The following IGF2R variants were observed in gnomAD, a reference collection of about 807,000 sequenced individuals.
IGF2R encodes cation-independent mannose-6-phosphate receptor.
In IGF2R, 91 loss-of-function variants were observed where a neutral mutation model predicts 270.6. The observed-to-expected ratio is 0.34, with a 90% CI of 0.28 to 0.40. IGF2R has a LOEUF of 0.40. Ranked by LOEUF, IGF2R falls within the 10% of genes least tolerant of loss-of-function variation. IGF2R has a pLI of 1.00. For missense variants in IGF2R, 2,805 were observed against 3,188.3 expected (o/e 0.88, Z 2.90); for synonymous variants, 1,316 against 1,258.9 (o/e 1.05, Z -0.96).
chr6:159,976,510 C>G (rs6916216), intron 1 of IGF2R, among the ~76,000 whole-genome samples: 35,690 of 152,004 alleles, frequency 0.23, 4,608 homozygotes, highest in East Asian at 0.49. Context: ...TCAGTAACTT[C>G]TACATCATTT....
chr6:160,046,599 G>C lies in IGF2R; in HGVS notation c.2005G>C (p.Val669Leu), dbSNP rs545812110. 4.3e-6 allele frequency: 7 copies of C among 1,613,846 alleles called. No homozygotes were observed. In the Admixed American group the frequency reaches 1.2e-4, roughly 27 times the overall value. Residue 669 changes from valine to leucine, a missense_variant, in exon 15 of 48, where the codon GTG becomes CTG. Val to Leu is a conservative substitution (Grantham distance 32, BLOSUM62 1). Coordinates refer to ENST00000356956, the MANE Select transcript of IGF2R (RefSeq NM_000876.4). ...TATAAATGTGTGTGGCCCGGTGTCT[G>C]TGAGCCCCTGTCAGCCAGACTCAGG... ...FYINVCGPVS[V>L]SPCQPDSGAC...
At position 159,969,295 on chromosome 6, in the gene IGF2R, C is replaced by G. The variant is rs952359897; in HGVS notation, c.49C>G (p.Arg17Gly). The G allele has an allele frequency of 2.4e-6, 3 of 1,226,268 alleles. No homozygotes were observed. In the African/African-American group the frequency reaches 4.8e-5, roughly 19 times the overall value. 76.0% of individuals were successfully genotyped at this position (1,226,268 alleles called of 1,614,324 possible). A position where few individuals can be genotyped will look rare whatever the true frequency, so the allele number is the denominator to read the frequency against. Residue 17 changes from arginine to glycine, a missense_variant, in exon 1 of 48, where the codon CGC becomes GGC. Arg to Gly is a moderately radical substitution (Grantham distance 125). Coordinates refer to ENST00000356956, the MANE Select transcript of IGF2R (RefSeq NM_000876.4). Reference protein sequence around the residue: ...RSPHLGPAPARRPQRSLLLLQ... With the variant: ...RSPHLGPAPAGRPQRSLLLLQ... ...CCCCCACCTGGGGCCCGCGCCCGCCCGCCGCCCGCAGCGCTCTCTGCTCCT... is the reference window on the plus strand; with the variant it reads ...CCCCCACCTGGGGCCCGCGCCCGCCGGCCGCCCGCAGCGCTCTCTGCTCCT...
Position 160,108,572 on chromosome 6 carries a change from G to C in IGF2R, c.*3488G>C, listed in dbSNP as rs530931360. On this transcript the variant is annotated 3_prime_UTR_variant, in exon 48 of 48. Transcript: ENST00000356956. Reference sequence around the variant, plus strand: ...CTGAGAAGCCTCAGACTGCCTGCGAGGCTCTCTCTGGGAGGAAGTCAGGTC... The same window carrying C: ...CTGAGAAGCCTCAGACTGCCTGCGACGCTCTCTCTGGGAGGAAGTCAGGTC... 6.6e-6 allele frequency: 1 copy of C among 152,242 alleles called. No homozygotes were observed. The highest frequency in any genetic ancestry group is 1.5e-5 in the Non-Finnish European group (1 of 68,054). The allele number at this position is 152,242 out of a possible 1,614,324, so 9.4% of individuals were successfully genotyped here.
chr6:160,078,300 C>G lies in IGF2R; in HGVS notation c.5416C>G (p.Leu1806Val). ...PDEVRMDGCT[L>V]TDEQLLYSFN... ...TGAAGTGAGGATGGATGGCTGTACC[C>G]TGACAGATGAGCAGCTCCTCTACAG... Residue 1806 changes from leucine to valine, a missense_variant, in exon 37 of 48, where the codon CTG (leucine) becomes GTG (valine). Coordinates refer to ENST00000356956, the MANE Select transcript of IGF2R (RefSeq NM_000876.4). The G allele has an allele frequency of 6.2e-7, 1 of 1,614,206 alleles. No homozygotes were observed.
At position 160,067,646 on chromosome 6, in the gene IGF2R, G is replaced by A. The variant is rs796586355; in HGVS notation, c.4116-603G>A. Among the ~76,000 whole-genome samples the A allele has an allele frequency of 3.9e-5, 6 of 152,294 alleles. No individual in the cohort carries two copies. The South Asian group carries it at 6.2e-4, about 16-fold the overall frequency. On this transcript the variant is annotated intron_variant, in intron 29 of 47. Coordinates refer to ENST00000356956, the MANE Select transcript of IGF2R (RefSeq NM_000876.4). ...GGCATCTGTAGCTGCTCCCGTTCCTGCTCCGTGGTGGCAGAGTGTGTGTCT... is the reference window on the plus strand; with the variant it reads ...GGCATCTGTAGCTGCTCCCGTTCCTACTCCGTGGTGGCAGAGTGTGTGTCT...
In IGF2R at chr6:160,072,801, C is replaced by A. The variant is rs775466071; in HGVS notation, c.4607C>A (p.Ala1536Glu). 1 of 1,614,016 alleles carries A rather than the reference C, an allele frequency of 6.2e-7. No individual in the cohort carries two copies. Among genetic ancestry groups the A allele is most frequent in the African/African-American group, 1.3e-5 (1 of 74,920 alleles). The change falls in exon 33 of 48, where the codon GCG becomes GAG. Residue 1536 changes from alanine to glutamate, a missense_variant. By Grantham distance (107) the Ala-to-Glu change is moderately radical. Transcript: ENST00000356956. The stretch of plus-strand genomic sequence containing the variant: ...GATCTGAGCTCCTTAAGTGGCAGGG[C>A]GGGATTCACAGCTGCTTACAGCGAG... ...LFDLSSLSGR[A>E]GFTAAYSEKG...
At chr6:160,012,868 C>T (rs1464108843) in intron 4 of IGF2R, among the ~76,000 whole-genome samples, 1 of 151,252 alleles carries the variant, frequency 6.6e-6, no homozygotes, top group East Asian at 2.0e-4. Flanking sequence ...CTCAGGTGAT[C>T]CGCCTGCCTC....
In IGF2R at chr6:160,010,795, G is replaced by A. The variant is rs757467101; in HGVS notation, c.513+10G>A. The A allele has an allele frequency of 1.3e-6, 2 of 1,489,944 alleles. No individual in the cohort carries two copies. The highest frequency in any genetic ancestry group is 1.9e-6 in the Non-Finnish European group (2 of 1,067,010). The allele number at this position is 1,489,944 out of a possible 1,614,324, so 92.3% of individuals were successfully genotyped here. A position where few individuals can be genotyped will look rare whatever the true frequency, so the allele number is the denominator to read the frequency against. Reference sequence around the variant, plus strand: ...TAAAGCAAATAAGGAGGTAACATGGGAACTTCAAATTACATGCTTATGAAG... The same window carrying A: ...TAAAGCAAATAAGGAGGTAACATGGAAACTTCAAATTACATGCTTATGAAG... On this transcript the variant is annotated intron_variant, in intron 4 of 47. Coordinates refer to ENST00000356956, the MANE Select transcript of IGF2R (RefSeq NM_000876.4).
At position 160,024,669 on chromosome 6, in the gene IGF2R, A is replaced by T. The variant is rs1484640940; in HGVS notation, c.611A>T (p.Asp204Val). 1.9e-6 allele frequency: 3 copies of T among 1,614,148 alleles called. No homozygotes were observed. The Admixed American group carries it at 5.0e-5, about 27-fold the overall frequency. ...GAYLVDDSDP[D>V]TSLFINVCRD... is the part of the protein sequence containing the mutation. ...TACTTGGTGGATGACTCCGATCCGG[A>T]CACTTCTCTATTCATCAATGTTTGT... Residue 204 changes from aspartate to valine, a missense_variant, in exon 5 of 48, where the codon GAC becomes GTC. Asp to Val is a radical substitution (Grantham distance 152). Coordinates refer to ENST00000356956, the MANE Select transcript of IGF2R (RefSeq NM_000876.4).
intron 1 of IGF2R, among the ~76,000 whole-genome samples, chr6:159,975,686 A>ATT (rs1033842428): frequency 1.4e-5 from 2 of 138,942 alleles, no homozygotes; most frequent in African/African-American, 3.0e-5. Flanking sequence ...ATATATATTT[A>ATT]TATATATATA....
chr6:160,089,383 C>T (rs1779168652), intron 43 of IGF2R, 130 bp downstream of exon 43: 7 of 765,064 alleles, frequency 9.1e-6, no homozygotes, highest in Admixed American at 3.3e-5. Flanking sequence ...CTGGAGTCAT[C>T]GTCATCTTTT....
rs770149987 is a variant in IGF2R at position 160,009,093 on chromosome 6, A to G, written c.373A>G (p.Arg125Gly). The change falls in exon 3 of 48, where the codon AGA becomes GGA. Residue 125 changes from arginine to glycine, a missense_variant. Physicochemically the swap from Arg to Gly is moderately radical, Grantham distance 125 (BLOSUM62 -2). Coordinates refer to ENST00000356956, the MANE Select transcript of IGF2R (RefSeq NM_000876.4). ...VSCDQQGTNH[R>G]VQSSIAFLCG... is the part of the protein sequence containing the mutation. ...CTGTGACCAGCAAGGCACAAATCACAGAGTCCAGAGCAGCATTGCCTTCCT... is the reference window on the plus strand; with the variant it reads ...CTGTGACCAGCAAGGCACAAATCACGGAGTCCAGAGCAGCATTGCCTTCCT... The G allele has an allele frequency of 7.6e-5, 123 of 1,613,930 alleles. No homozygotes were observed. Among genetic ancestry groups the G allele is most frequent in the Non-Finnish European group, 1.0e-4 (118 of 1,179,914 alleles).
At chr6:159,982,793 G>A (rs564801641) in intron 1 of IGF2R, among the ~76,000 whole-genome samples, 1 of 152,334 alleles carries the variant, frequency 6.6e-6, no homozygotes, top group African/African-American at 2.4e-5. Flanking sequence ...ACTTCATGGA[G>A]ATGTTTTGTG....
chr6:160,100,595 C>G (rs1779460579), intron 45 of IGF2R, among the ~76,000 whole-genome samples: 1 of 151,950 alleles, frequency 6.6e-6, no homozygotes, highest in Non-Finnish European at 1.5e-5. Flanking sequence ...CAGTGAAAAG[C>G]AAGATTTAAT....
chr6:160,052,483 A>G (rs1034624410), intron 19 of IGF2R, among the ~76,000 whole-genome samples: 38 of 152,218 alleles, frequency 2.5e-4, no homozygotes, highest in Non-Finnish European at 7.3e-5. Context: ...AGGAAGAATC[A>G]GTGTCATGAA....
rs8191926 is a variant in IGF2R, at chr6:160,089,264, C to T, written c.6467+11C>T. 8.4e-4 allele frequency: 1,337 copies of T among 1,600,466 alleles called. 13 individuals carry two copies. In the African/African-American group the frequency reaches 0.016, roughly 19 times the overall value. On this transcript the variant is annotated intron_variant, in intron 43 of 47. Coordinates refer to ENST00000356956, the MANE Select transcript of IGF2R (RefSeq NM_000876.4). ...AGATATTTATTTTAAGTAAGTAAAA[C>T]GTTTTCCTTCTGAGCTGTGAAATGT...
intron 37 of IGF2R, 131 bp downstream of exon 37, chr6:160,078,493 T>G (rs746444750): frequency 4.8e-6 from 4 of 841,332 alleles, no homozygotes; most frequent in Non-Finnish European, 7.6e-6. Flanking sequence ...GGGCAGCATC[T>G]TGGTGCTCTC....
Position 159,998,275 on chromosome 6 carries a change from A to G in IGF2R, c.289+6952A>G, listed in dbSNP as rs1017142110. 6.6e-6 allele frequency among the ~76,000 whole-genome samples: 1 copy of G among 152,210 alleles called. No individual in the cohort carries two copies. The highest frequency in any genetic ancestry group is 2.4e-5 in the African/African-American group (1 of 41,440). On this transcript the variant is annotated intron_variant, in intron 2 of 47. Coordinates refer to ENST00000356956, the MANE Select transcript of IGF2R (RefSeq NM_000876.4). This position sits in a 1 kb window ranked among gnomAD's most constrained non-coding sequence, Gnocchi z 4.1. ...AAGTATGTCTTGAGTTTATGGTAGT[A>G]TAGTATGGTATGGTATAGTGTAATA...
intron 44 of IGF2R, among the ~76,000 whole-genome samples, chr6:160,091,822 G>A (rs1779233647): frequency 6.6e-6 from 1 of 152,240 alleles, no homozygotes; most frequent in South Asian, 2.1e-4. Flanking sequence ...ATCATGCAGA[G>A]AAGGAAAGTC....
Sources: gnomAD v4.1 joint callset for allele counts (sites outside exome capture counted in the v4.1 genomes callset) on GRCh38, gnomAD v4.1.1 for gene constraint, Gnocchi (gnomAD v3.1) non-coding constraint, MANE v1.5 for transcripts, NCBI Gene and HGNC (gene_info 2026-07-23, HGNC 2026-07-21) for gene names.